FAM171A1: variants seen among roughly 807,000 people sequenced by gnomAD.
The protein encoded by FAM171A1 is family with sequence similarity 171 member A1.
A neutral mutation model predicts 74.9 loss-of-function variants in FAM171A1; 23 were observed. The observed-to-expected ratio is 0.31, with a 90% CI of 0.22 to 0.44. The LOEUF (loss-of-function observed/expected upper bound fraction) is 0.44, where lower values mean the gene tolerates loss of function less well. Among genes scored for constraint, FAM171A1 ranks in the 20% least tolerant of loss-of-function variants. The pLI is 1.00. For synonymous variants in FAM171A1, 527 were observed against 505.7 expected, an observed-to-expected ratio of 1.04 and a Z score of -0.57; for missense variants, 1,162 against 1,159.2, an observed-to-expected ratio of 1.00 and a Z score of -0.03.
intron 1 of FAM171A1, among the ~76,000 whole-genome samples, chr10:15,308,004 G>T (rs999059726): frequency 6.6e-6 from 1 of 151,964 alleles, no homozygotes; most frequent in Non-Finnish European, 1.5e-5. Flanking sequence ...TAGAGATGAG[G>T]TCTAGCTATG....
At chr10:15,310,644 T>C (rs933659937) in intron 1 of FAM171A1, among the ~76,000 whole-genome samples, 2 of 152,074 alleles carry the variant, frequency 1.3e-5, no homozygotes, top group Non-Finnish European at 2.9e-5. Flanking sequence ...GGAGGATCAC[T>C]TGAGGTCTGG....
chr10:15,358,282 T>C (rs1835955964), intron 1 of FAM171A1, among the ~76,000 whole-genome samples: 1 of 152,154 alleles, frequency 6.6e-6, no homozygotes. Context: ...GTCTAGAAGC[T>C]TTTTTAAAAA....
At chr10:15,227,229 T>G (rs1041381903) in intron 5 of FAM171A1, among the ~76,000 whole-genome samples, 7 of 152,128 alleles carry the variant, frequency 4.6e-5, no homozygotes, top group Admixed American at 2.0e-4. Context: ...TCGAACTCCT[T>G]ACCTCAAGTG....
At chr10:15,371,674 C>G (rs976810548), upstream of FAM171A1, among the ~76,000 whole-genome samples, 1 of 152,190 alleles carries the variant, frequency 6.6e-6, no homozygotes, top group African/African-American at 2.4e-5. Context: ...GCCTGCAGTA[C>G]CTACGTGTTG....
chr10:15,242,878 G>C (rs1315990873), intron 5 of FAM171A1, among the ~76,000 whole-genome samples: 1 of 152,194 alleles, frequency 6.6e-6, no homozygotes, highest in Non-Finnish European at 1.5e-5. Flanking sequence ...AGGAAACAGA[G>C]AATGGGCTAA....
At chr10:15,239,949 C>T (rs1219550059) in intron 5 of FAM171A1, among the ~76,000 whole-genome samples, 1 of 152,256 alleles carries the variant, frequency 6.6e-6, no homozygotes, top group Non-Finnish European at 1.5e-5. Context: ...TGCCTTTGGG[C>T]ATGACCTTTG....
intron 1 of FAM171A1, among the ~76,000 whole-genome samples, chr10:15,292,368 T>G (rs563054593): frequency 2.2e-4 from 33 of 152,344 alleles, no homozygotes; most frequent in African/African-American, 7.5e-4. Flanking sequence ...AATAGTGTCA[T>G]CTTTCTGCCA....
chr10:15,317,550 A>C (rs1835437602), intron 1 of FAM171A1, among the ~76,000 whole-genome samples: 1 of 152,062 alleles, frequency 6.6e-6, no homozygotes, highest in Non-Finnish European at 1.5e-5. Context: ...ATGCGCCACC[A>C]CGCCTGGCTA....
At chr10:15,331,869 G>A (rs61842696) in intron 1 of FAM171A1, among the ~76,000 whole-genome samples, 26,656 of 40,762 alleles carry the variant, frequency 0.65, 6,741 homozygotes, top group East Asian at 0.78. Context: ...GTATATATAT[G>A]TGTGTGTATA....
At chr10:15,363,636 T>G (rs1384726640) in intron 1 of FAM171A1, among the ~76,000 whole-genome samples, 2 of 152,150 alleles carry the variant, frequency 1.3e-5, no homozygotes, top group Non-Finnish European at 2.9e-5. Flanking sequence ...GGCAGGACAC[T>G]TCATCACCCT....
intron 1 of FAM171A1, among the ~76,000 whole-genome samples, chr10:15,353,635 T>C (rs966911978): frequency 3.3e-5 from 5 of 152,172 alleles, no homozygotes; most frequent in African/African-American, 4.8e-5. Flanking sequence ...TTTACACCAC[T>C]AATTCTGTCT....
intron 1 of FAM171A1, among the ~76,000 whole-genome samples, chr10:15,315,489 T>C (rs1835411935): frequency 6.6e-6 from 1 of 152,252 alleles, no homozygotes; most frequent in African/African-American, 2.4e-5. Flanking sequence ...TCCTTCTCAA[T>C]GACAATGTCT....
intron 1 of FAM171A1, among the ~76,000 whole-genome samples, chr10:15,327,588 C>T (rs1347931194): frequency 6.6e-6 from 1 of 152,096 alleles, no homozygotes; most frequent in Non-Finnish European, 1.5e-5. Context: ...GAGGTCAAGG[C>T]TGCAGTGAGC....
intron 1 of FAM171A1, among the ~76,000 whole-genome samples, chr10:15,339,660 G>A (rs1287651340): frequency 6.6e-6 from 1 of 152,110 alleles, no homozygotes. Flanking sequence ...TGTTCATCAG[G>A]CTTAGTTACT....
intron 3 of FAM171A1, among the ~76,000 whole-genome samples, chr10:15,269,866 C>T (rs557541719): frequency 6.8e-4 from 103 of 152,300 alleles, no homozygotes; most frequent in Admixed American, 1.5e-3. Context: ...GATGCTATGT[C>T]CCAGCTGTGG....
At chr10:15,268,081 G>A (rs913190701) in intron 3 of FAM171A1, among the ~76,000 whole-genome samples, 5 of 152,188 alleles carry the variant, frequency 3.3e-5, no homozygotes, top group Admixed American at 6.5e-5. Context: ...TGTGTGGGAA[G>A]CCCTGTGTGT....
At chr10:15,234,962 G>A (rs970262243) in intron 5 of FAM171A1, among the ~76,000 whole-genome samples, 1 of 151,922 alleles carries the variant, frequency 6.6e-6, no homozygotes, top group Non-Finnish European at 1.5e-5. Context: ...GTGCCGGGCC[G>A]ATCAGAGGTA....
At position 15,254,775 on chromosome 10, in the gene FAM171A1, G is replaced by C; in HGVS notation, c.523C>G (p.Pro175Ala). ...LTAFLTAASS[P>A]SEVDSFPYLR... ...TAAGGAAAACTGTCCACCTCCGAAGGGGAGCTGGCGGCCGTGAGAAACGCG... is the reference window on the plus strand; with the variant it reads ...TAAGGAAAACTGTCCACCTCCGAAGCGGAGCTGGCGGCCGTGAGAAACGCG... Residue 175 changes from proline to alanine, a missense_variant, in exon 4 of 8, where the codon CCT becomes GCT. Coordinates refer to ENST00000378116, the MANE Select transcript of FAM171A1 (RefSeq NM_001010924.2). 6.2e-7 allele frequency: 1 copy of C among 1,614,186 alleles called. No individual in the cohort carries two copies. The highest frequency in any genetic ancestry group is 2.2e-5 in the East Asian group (1 of 44,876).
chr10:15,325,762 C>T (rs770787078), intron 1 of FAM171A1, among the ~76,000 whole-genome samples: 107 of 152,132 alleles, frequency 7.0e-4, no homozygotes, highest in Non-Finnish European at 1.3e-3. Context: ...TTGGCTTCCA[C>T]GTCCAATTGG....
Sources: gnomAD v4.1 joint callset for allele counts (sites outside exome capture counted in the v4.1 genomes callset) on GRCh38, gnomAD v4.1.1 for gene constraint, MANE v1.5 for transcripts, NCBI Gene and HGNC (gene_info 2026-07-23, HGNC 2026-07-21) for gene names.